Variants in RCAN2 observed in about 807,000 individuals in gnomAD.
RCAN2 encodes calcipressin-2.
RCAN2 carries 9 observed loss-of-function variants against 23.6 expected under a neutral mutation model. The ratio of observed to expected loss-of-function variants is 0.38; its 90% CI spans 0.23 to 0.67. The LOEUF (loss-of-function observed/expected upper bound fraction) is 0.67, where lower values mean the gene tolerates loss of function less well. Among genes scored for constraint, RCAN2 ranks in the 30% least tolerant of loss-of-function variants. The probability of loss-of-function intolerance (pLI) is 0.51; values close to 1 mark genes in which losing one functional copy is unlikely to be tolerated. For synonymous variants in RCAN2, 109 were observed against 115.7 expected, an observed-to-expected ratio of 0.94 and a Z score of 0.37; for missense variants, 273 against 302.3, an observed-to-expected ratio of 0.90 and a Z score of 0.72.
intron 2 of RCAN2, 102 bp downstream of exon 2, chr6:46,456,649 CA>C (rs1768040250): frequency 2.4e-6 from 2 of 847,112 alleles, no homozygotes; most frequent in Non-Finnish European, 3.8e-6. Context: ...GCCAACTAAA[CA>C]TTTCCAAAAA....
chr6:46,306,218 C>G (rs1054800686), intron 2 of RCAN2, among the ~76,000 whole-genome samples: 1 of 152,072 alleles, frequency 6.6e-6, no homozygotes, highest in South Asian at 2.1e-4. Flanking sequence ...AAGAGCCAAA[C>G]GATGAGAGTT....
chr6:46,398,871 T>G (rs1186364409), intron 2 of RCAN2, among the ~76,000 whole-genome samples: 1 of 151,696 alleles, frequency 6.6e-6, no homozygotes, highest in East Asian at 1.9e-4. Context: ...TTTATAGTTT[T>G]TACTGTATTT....
chr6:46,451,466 A>G (rs1428973191), intron 2 of RCAN2, among the ~76,000 whole-genome samples: 1 of 152,202 alleles, frequency 6.6e-6, no homozygotes. Flanking sequence ...GATTGTGAAA[A>G]AAGTCTCAGT....
intron 2 of RCAN2, among the ~76,000 whole-genome samples, chr6:46,416,023 G>C (rs968319283): frequency 6.6e-6 from 1 of 152,042 alleles, no homozygotes; most frequent in African/African-American, 2.4e-5. Context: ...GTATTGTTTA[G>C]GTAATAACCG....
chr6:46,228,368 A>C (rs1765751951), intron 4 of RCAN2, among the ~76,000 whole-genome samples: 1 of 152,160 alleles, frequency 6.6e-6, no homozygotes, highest in Non-Finnish European at 1.5e-5. Context: ...TAATGTTGAC[A>C]GTGGGGTGTT....
intron 2 of RCAN2, among the ~76,000 whole-genome samples, chr6:46,388,565 T>C (rs1266506125): frequency 1.3e-5 from 2 of 152,168 alleles, no homozygotes; most frequent in Non-Finnish European, 2.9e-5. Flanking sequence ...CCATCAATGA[T>C]AGACTGGATA....
chr6:46,233,721 C>CTTTTTTTTTTTTTTTTTT (rs1240948992), intron 4 of RCAN2, among the ~76,000 whole-genome samples: 1 of 130,770 alleles, frequency 7.6e-6, no homozygotes. Flanking sequence ...AAGAACACTT[C>CTTTTTTTTTTTTTTTTTT]TTTTTTTTTT....
rs1240948992 is a variant in RCAN2 at position 46,233,721 on chromosome 6, C to CTTTTTTTTTTTTTTTTTTTTTTTTT, written c.572-10421_572-10420insAAAAAAAAAAAAAAAAAAAAAAAAA. 4.6e-5 allele frequency among the ~76,000 whole-genome samples: 6 copies of CTTTTTTTTTTTTTTTTTTTTTTTTT among 130,772 alleles called. 1 individual carries two copies. Among genetic ancestry groups the CTTTTTTTTTTTTTTTTTTTTTTTTT allele is most frequent in the Non-Finnish European group, 1.6e-5 (1 of 61,802 alleles). 85.8% of individuals were successfully genotyped at this position (130,772 alleles called of 152,430 possible). ...TCCCTGGCTGAGATGAAGAACACTTCTTTTTTTTTTTTTTTTTTCTTGAGA... is the reference window on the plus strand; with the variant it reads ...TCCCTGGCTGAGATGAAGAACACTTCTTTTTTTTTTTTTTTTTTTTTTTTTTTTTTTTTTTTTTTTTTTCTTGAGA... On this transcript the variant is annotated intron_variant, in intron 4 of 4. Transcript: ENST00000371374.
At chr6:46,335,015 C>G (rs1189511412) in intron 2 of RCAN2, among the ~76,000 whole-genome samples, 1 of 152,158 alleles carries the variant, frequency 6.6e-6, no homozygotes, top group Non-Finnish European at 1.5e-5. Context: ...GCATCCCTGT[C>G]TTCTAGGCAT....
chr6:46,364,815 G>T (rs1158532007), intron 2 of RCAN2, among the ~76,000 whole-genome samples: 3 of 152,150 alleles, frequency 2.0e-5, no homozygotes, highest in Non-Finnish European at 4.4e-5. Flanking sequence ...GCATGCCAAG[G>T]TTCCTGGAAG....
chr6:46,388,215 C>A (rs1254706885), intron 2 of RCAN2, among the ~76,000 whole-genome samples: 1 of 151,782 alleles, frequency 6.6e-6, no homozygotes, highest in Non-Finnish European at 1.5e-5. Context: ...AACAAACCTG[C>A]ACGTTGTGCA....
intron 2 of RCAN2, among the ~76,000 whole-genome samples, chr6:46,451,904 G>C (rs1358014607): frequency 6.6e-6 from 1 of 152,084 alleles, no homozygotes; most frequent in Non-Finnish European, 1.5e-5. Flanking sequence ...TATTTTTAAA[G>C]AACTGTGTAT....
At chr6:46,445,251 T>C (rs933069680) in intron 2 of RCAN2, among the ~76,000 whole-genome samples, 1 of 152,056 alleles carries the variant, frequency 6.6e-6, no homozygotes, top group South Asian at 2.1e-4. Context: ...TCCACCCCCA[T>C]AGAACCAATC....
intron 1 of RCAN2, among the ~76,000 whole-genome samples, chr6:46,485,598 T>C (rs1389029393): frequency 6.6e-6 from 1 of 152,064 alleles, no homozygotes; most frequent in East Asian, 1.9e-4. Context: ...CAGTGGAAAA[T>C]ATTTCTAGCC....
At chr6:46,469,560 C>T (rs1768495799) in intron 1 of RCAN2, among the ~76,000 whole-genome samples, 1 of 152,170 alleles carries the variant, frequency 6.6e-6, no homozygotes, top group African/African-American at 2.4e-5. Flanking sequence ...GGTGATTTAG[C>T]TGATAATCCA....
chr6:46,412,607 T>C (rs1003950367), intron 2 of RCAN2, among the ~76,000 whole-genome samples: 4 of 152,176 alleles, frequency 2.6e-5, no homozygotes, highest in African/African-American at 9.7e-5. Context: ...CAGATGGCAA[T>C]GTCACAAAAG....
intron 2 of RCAN2, among the ~76,000 whole-genome samples, chr6:46,331,487 C>T (rs758476032): frequency 1.3e-5 from 2 of 152,136 alleles, no homozygotes; most frequent in Non-Finnish European, 2.9e-5. Context: ...TCAAATTGCC[C>T]ATCTTTAGCT....
chr6:46,462,036 C>T (rs982366377), intron 1 of RCAN2, among the ~76,000 whole-genome samples: 3 of 152,182 alleles, frequency 2.0e-5, no homozygotes, highest in African/African-American at 4.8e-5. Flanking sequence ...AAGAGCAAGC[C>T]AATGGCAGAG....
intron 2 of RCAN2, among the ~76,000 whole-genome samples, chr6:46,446,191 C>A (rs116487650): frequency 2.7e-5 from 4 of 149,608 alleles, no homozygotes; most frequent in African/African-American, 9.8e-5. Flanking sequence ...ACATATCACA[C>A]GTAATGAAGT....
Sources: allele counts gnomAD v4.1 joint callset (sites outside exome capture counted in the v4.1 genomes callset), GRCh38; gene constraint gnomAD v4.1.1; transcripts MANE v1.5; gene names NCBI Gene and HGNC (gene_info 2026-07-23, HGNC 2026-07-21).